The following NDST4 variants were observed in gnomAD, a reference collection of about 807,000 sequenced individuals.
NDST4 encodes N-heparan sulfate sulfotransferase 4.
A neutral mutation model predicts 100.8 loss-of-function variants in NDST4; 63 were observed. The ratio of observed to expected loss-of-function variants is 0.62; its 90% CI spans 0.51 to 0.77. The LOEUF is 0.77. Among genes scored for constraint, NDST4 ranks in the 30% least tolerant of loss-of-function variants. The pLI, the probability that NDST4 is intolerant of heterozygous loss-of-function variation, is 0.00. For synonymous variants in NDST4, 377 were observed against 361.8 expected, an observed-to-expected ratio of 1.04 and a Z score of -0.48; for missense variants, 943 against 1,018.4, an observed-to-expected ratio of 0.93 and a Z score of 1.01.
chr4:115,054,902 T>G (rs1455648619), intron 2 of NDST4, among the ~76,000 whole-genome samples: 1 of 152,100 alleles, frequency 6.6e-6, no homozygotes, highest in Non-Finnish European at 1.5e-5. Flanking sequence ...TGAGGGTTCC[T>G]CCACTCCTGG....
intron 4 of NDST4, among the ~76,000 whole-genome samples, chr4:114,940,682 C>A (rs1725730373): frequency 6.6e-6 from 1 of 152,128 alleles, no homozygotes; most frequent in Non-Finnish European, 1.5e-5. Context: ...TTGCACCCGC[C>A]CTCTTGGTAC....
chr4:114,959,258 G>C (rs772533449), intron 4 of NDST4, among the ~76,000 whole-genome samples: 4 of 152,042 alleles, frequency 2.6e-5, no homozygotes, highest in Non-Finnish European at 5.9e-5. Context: ...ACCTCTGCCT[G>C]TTATCCAGTT....
At chr4:115,015,602 A>G (rs1433310010) in intron 2 of NDST4, among the ~76,000 whole-genome samples, 6 of 152,086 alleles carry the variant, frequency 3.9e-5, no homozygotes, top group Admixed American at 3.9e-4. Context: ...AAAATATATG[A>G]ACATATTTGT....
chr4:115,080,175 C>T (rs148183055), intron 1 of NDST4, among the ~76,000 whole-genome samples: 1,760 of 152,134 alleles, frequency 0.012, 32 homozygotes, highest in African/African-American at 0.04. Flanking sequence ...CTTGCTCTGT[C>T]ACCCAGGCTG....
At chr4:114,892,616 T>TTG (rs1053037416) in intron 6 of NDST4, among the ~76,000 whole-genome samples, 2 of 151,930 alleles carry the variant, frequency 1.3e-5, no homozygotes, top group Non-Finnish European at 2.9e-5. Context: ...CATTAATTAT[T>TTG]TGTGTGTGTG....
intron 2 of NDST4, among the ~76,000 whole-genome samples, chr4:115,043,123 G>GTTTTAAAATTTA (rs1728389406): frequency 6.6e-6 from 1 of 151,778 alleles, no homozygotes; most frequent in African/African-American, 2.4e-5. Context: ...TAGTCATTCA[G>GTTTTAAAATTTA]TTTTAAAATT....
intron 2 of NDST4, among the ~76,000 whole-genome samples, chr4:115,037,855 GA>G (rs1438568467): frequency 3.3e-5 from 5 of 151,852 alleles, no homozygotes; most frequent in East Asian, 3.9e-4. Flanking sequence ...AATTATAGAA[GA>G]AAAAAACTGT....
At chr4:114,970,310 G>A in intron 4 of NDST4, 120 bp downstream of exon 4, 1 of 852,088 alleles carries the variant, frequency 1.2e-6, no homozygotes, top group Non-Finnish European at 1.8e-6. Context: ...TACATGTGAT[G>A]CACCCTGATA....
intron 1 of NDST4, among the ~76,000 whole-genome samples, chr4:115,099,307 T>C (rs1403884300): frequency 2.6e-5 from 4 of 152,148 alleles, no homozygotes; most frequent in Non-Finnish European, 5.9e-5. Flanking sequence ...AAAGAAAGAA[T>C]TGATACGTTT....
Position 115,076,513 on chromosome 4 carries a change from G to A in NDST4, c.524C>T (p.Thr175Ile), listed in dbSNP as rs1729186708. ...HKANENSLPS[T>I]QLKGFPLNLF... is the part of the protein sequence containing the mutation. ...GTTTAACGGAAAGCCTTTTAATTGT[G>A]TACTTGGTAAGCTGTTCTCATTGGC... Residue 175 changes from threonine (T) to isoleucine (I), a missense_variant, in exon 2 of 14, where the codon ACA becomes ATA. Transcript: ENST00000264363. 1 of 1,613,798 alleles carries A rather than the reference G, an allele frequency of 6.2e-7. No individual in the cohort carries two copies. Among genetic ancestry groups the A allele is most frequent in the Non-Finnish European group, 8.5e-7 (1 of 1,179,918 alleles).
chr4:114,888,189 G>A (rs561944375), intron 6 of NDST4, among the ~76,000 whole-genome samples: 1 of 151,764 alleles, frequency 6.6e-6, no homozygotes, highest in East Asian at 1.9e-4. Flanking sequence ...GTGGCAGAAG[G>A]AGACTCTATC....
intron 7 of NDST4, among the ~76,000 whole-genome samples, chr4:114,854,871 G>A (rs1723759388): frequency 6.6e-6 from 1 of 152,134 alleles, no homozygotes; most frequent in Non-Finnish European, 1.5e-5. Context: ...TTTCCATAGT[G>A]GTTGTACTAA....
intron 2 of NDST4, among the ~76,000 whole-genome samples, chr4:115,013,615 A>C (rs944748548): frequency 6.6e-6 from 1 of 151,664 alleles, no homozygotes; most frequent in African/African-American, 2.4e-5. Flanking sequence ...GGGCTTATGG[A>C]GGTCAGGTGA....
intron 4 of NDST4, among the ~76,000 whole-genome samples, chr4:114,949,690 G>A (rs1036785481): frequency 6.6e-6 from 1 of 152,026 alleles, no homozygotes; most frequent in African/African-American, 2.4e-5. Flanking sequence ...AGCTTTCCTG[G>A]AAGCCCCATA....
intron 7 of NDST4, among the ~76,000 whole-genome samples, chr4:114,865,478 G>A (rs1724008361): frequency 1.3e-5 from 2 of 152,178 alleles, no homozygotes; most frequent in South Asian, 2.1e-4. Flanking sequence ...AAAATGAACT[G>A]TATTTTTAAA....
rs559411053 is a variant in NDST4 at position 114,851,985 on chromosome 4, G to A, written c.1816+740C>T. On this transcript the variant is annotated intron_variant, in intron 8 of 13. Coordinates refer to ENST00000264363, the MANE Select transcript of NDST4 (RefSeq NM_022569.3). The stretch of plus-strand genomic sequence containing the variant: ...ACTGATGAAAATGCTTCTAGTCAAA[G>A]TAGTGAATTCAAAATACAGCAACTC... Among the ~76,000 whole-genome samples, 5 of 152,270 alleles carry A rather than the reference G, an allele frequency of 3.3e-5. No homozygotes were observed. In the South Asian group the frequency reaches 8.3e-4, roughly 25 times the overall value.
In NDST4 at chr4:114,893,999, C is replaced by A. The variant is rs371263380; in HGVS notation, c.1537-23049G>T. Among the ~76,000 whole-genome samples the A allele has an allele frequency of 1.4e-4, 22 of 152,226 alleles. No homozygotes were observed. The East Asian group carries it at 2.1e-3, about 15-fold the overall frequency. ...AGCACCATTTACTGAATAAGAGATC[C>A]TTTCCCCATTGCTTGTTTTTGTCAG... On this transcript the variant is annotated intron_variant, in intron 6 of 13. Transcript: ENST00000264363.
At chr4:114,869,875 T>G (rs1724110122) in intron 7 of NDST4, among the ~76,000 whole-genome samples, 1 of 152,126 alleles carries the variant, frequency 6.6e-6, no homozygotes, top group African/African-American at 2.4e-5. Context: ...TTTCTGACAA[T>G]GTAGACAGAG....
intron 2 of NDST4, among the ~76,000 whole-genome samples, chr4:115,057,925 T>C (rs948514373): frequency 2.6e-5 from 4 of 152,136 alleles, no homozygotes; most frequent in African/African-American, 9.7e-5. Flanking sequence ...GTATGGAATA[T>C]TAAAGATTAA....
Sources: gnomAD v4.1 joint callset for allele counts (sites outside exome capture counted in the v4.1 genomes callset) on GRCh38, gnomAD v4.1.1 for gene constraint, MANE v1.5 for transcripts, NCBI Gene and HGNC (gene_info 2026-07-23, HGNC 2026-07-21) for gene names.